DLGAP4: variants seen among roughly 807,000 people sequenced by gnomAD.
DLGAP4 encodes the protein DLG associated protein 4.
Under a neutral mutation model 86.9 loss-of-function variants are expected in DLGAP4, and 18 were observed. That is an observed-to-expected ratio of 0.21 (90% CI 0.14 to 0.31). DLGAP4 has a LOEUF of 0.31. Ranked by LOEUF, DLGAP4 falls within the 10% of genes least tolerant of loss-of-function variation. The pLI, the probability that DLGAP4 is intolerant of heterozygous loss-of-function variation, is 1.00. For missense variants in DLGAP4, 1,085 were observed against 1,362.6 expected (o/e 0.80, Z 3.21); for synonymous variants, 548 against 574.3 (o/e 0.95, Z 0.65).
At chr20:36,525,672 G>A in intron 11 of DLGAP4, 179 bp from the exon 12 acceptor site, 1 of 769,376 alleles carries the variant, frequency 1.3e-6, no homozygotes, top group Non-Finnish European at 2.1e-6. Context: ...CCACCACTAG[G>A]GCTGGTGCTG....
At chr20:36,429,116 G>A (rs890699356) in intron 2 of DLGAP4, among the ~76,000 whole-genome samples, 6 of 152,170 alleles carry the variant, frequency 3.9e-5, no homozygotes, top group African/African-American at 1.4e-4. Context: ...GTCTCACTCT[G>A]TTGCCCAGGC....
At chr20:36,435,967 C>T in intron 3 of DLGAP4, 142 bp from the exon 4 acceptor site, 5 of 1,290,546 alleles carry the variant, frequency 3.9e-6, no homozygotes, top group Non-Finnish European at 4.1e-6. Context: ...CTCTGCTGCC[C>T]CGAGGTTTCA....
intron 10 of DLGAP4, among the ~76,000 whole-genome samples, chr20:36,519,680 C>G (rs2037257047): frequency 6.6e-6 from 1 of 152,210 alleles, no homozygotes; most frequent in South Asian, 2.1e-4. Context: ...CTATTTTCCA[C>G]AGCAGCTGCA....
rs1569527331 is a variant in DLGAP4, at chr20:36,525,253, AAC to A, written c.2605-596_2605-595del. Among the ~76,000 whole-genome samples, 84 of 59,524 alleles carry A rather than the reference AAC, an allele frequency of 1.4e-3. 21 individuals carry two copies. Among genetic ancestry groups the A allele is most frequent in the Non-Finnish European group, 3.5e-3 (66 of 18,860 alleles). The allele number at this position is 59,524 out of a possible 152,430, so 39.1% of individuals were successfully genotyped here. ...AAAAAAAAAAAAAAAAAAAAAAAAA[AAC>A]AAAGAAATCCCACTGCTGGGATTGG... is the stretch of plus-strand genomic sequence containing the variant. On this transcript the variant is annotated intron_variant, in intron 11 of 12. Transcript: ENST00000339266.
At chr20:36,307,862 A>G (rs1555889628) in intron 1 of DLGAP4, among the ~76,000 whole-genome samples, 1 of 152,162 alleles carries the variant, frequency 6.6e-6, no homozygotes, top group Non-Finnish European at 1.5e-5. Flanking sequence ...AATCAGTTGT[A>G]CAGGACCATC....
At chr20:36,447,901 T>TA (rs1176711641) in intron 7 of DLGAP4, among the ~76,000 whole-genome samples, 1 of 52,326 alleles carries the variant, frequency 1.9e-5, no homozygotes, top group African/African-American at 7.2e-5. Context: ...ATCAGGGGGG[T>TA]GGGGGGGGGG....
At chr20:36,401,843 T>A (rs1424747729) in intron 2 of DLGAP4, among the ~76,000 whole-genome samples, 4 of 152,200 alleles carry the variant, frequency 2.6e-5, no homozygotes, top group African/African-American at 9.7e-5. Flanking sequence ...GGAGGTGACG[T>A]CTGTGCCAAG....
intron 1 of DLGAP4, among the ~76,000 whole-genome samples, chr20:36,346,396 C>T (rs2029938833): frequency 6.6e-6 from 1 of 152,222 alleles, no homozygotes; most frequent in Non-Finnish European, 1.5e-5. Flanking sequence ...AAGCAAGATG[C>T]TAGGCCCAGA....
intron 1 of DLGAP4, among the ~76,000 whole-genome samples, chr20:36,333,329 G>GT (rs2065289230): frequency 1.3e-5 from 2 of 151,992 alleles, no homozygotes; most frequent in Non-Finnish European, 2.9e-5. Flanking sequence ...GTTAATAGAG[G>GT]GTTTTTTTTT....
chr20:36,479,260 G>C (rs1364109275), intron 7 of DLGAP4, among the ~76,000 whole-genome samples: 1 of 152,046 alleles, frequency 6.6e-6, no homozygotes, highest in Non-Finnish European at 1.5e-5. Context: ...TCTCTACTTA[G>C]AGTCTTCAAA....
chr20:36,438,324 AGATCGTGCCACTGCACTC>A, intron 4 of DLGAP4, among the ~76,000 whole-genome samples: 1 of 151,630 alleles, frequency 6.6e-6, no homozygotes, highest in Non-Finnish European at 1.5e-5. Context: ...CAGGGAGCTG[AGATCGTGCCACTGCACTC>A]CAGCCTGGGT....
intron 10 of DLGAP4, among the ~76,000 whole-genome samples, chr20:36,521,970 G>A (rs551569771): frequency 2.0e-5 from 3 of 152,160 alleles, no homozygotes; most frequent in African/African-American, 7.2e-5. Context: ...TGTGAGAGAC[G>A]GGCCAGGACT....
At chr20:36,420,703 G>A (rs182572596) in intron 2 of DLGAP4, among the ~76,000 whole-genome samples, 3 of 152,204 alleles carry the variant, frequency 2.0e-5, no homozygotes, top group Admixed American at 2.0e-4. Context: ...GCTGGGTGTG[G>A]TAGCTCACAC....
At chr20:36,458,201 C>G (rs1203853018) in intron 7 of DLGAP4, among the ~76,000 whole-genome samples, 1 of 151,366 alleles carries the variant, frequency 6.6e-6, no homozygotes, top group Non-Finnish European at 1.5e-5. Flanking sequence ...GTGACATGAC[C>G]TGGTGTGTGT....
intron 1 of DLGAP4, among the ~76,000 whole-genome samples, chr20:36,362,493 A>T (rs1024639102): frequency 1.3e-5 from 2 of 152,140 alleles, no homozygotes; most frequent in Non-Finnish European, 2.9e-5. Flanking sequence ...CTGCTGTAGG[A>T]ATTTGGAGCT....
chr20:36,487,190 C>G (rs2035455655), intron 7 of DLGAP4, among the ~76,000 whole-genome samples: 1 of 152,162 alleles, frequency 6.6e-6, no homozygotes. Context: ...AGGGCCCCCT[C>G]TCTGGGAGAG....
intron 7 of DLGAP4, among the ~76,000 whole-genome samples, chr20:36,469,479 A>G (rs1161783914): frequency 6.6e-6 from 1 of 152,190 alleles, no homozygotes; most frequent in Non-Finnish European, 1.5e-5. Flanking sequence ...GAGGCTGGGC[A>G]TGGTGGCTCA....
At chr20:36,386,975 A>G (rs536568825) in intron 2 of DLGAP4, among the ~76,000 whole-genome samples, 12 of 152,290 alleles carry the variant, frequency 7.9e-5, no homozygotes, top group African/African-American at 2.9e-4. Flanking sequence ...ATTCCATTGT[A>G]TGCTTATACC....
intron 1 of DLGAP4, among the ~76,000 whole-genome samples, chr20:36,356,591 G>A (rs527707051): frequency 1.3e-5 from 2 of 151,942 alleles, no homozygotes; most frequent in East Asian, 3.9e-4. Context: ...GATTACAGGG[G>A]TGAGCCACCG....
Sources: allele counts gnomAD v4.1 joint callset (sites outside exome capture counted in the v4.1 genomes callset), GRCh38; gene constraint gnomAD v4.1.1; transcripts MANE v1.5; gene names NCBI Gene and HGNC (gene_info 2026-07-23, HGNC 2026-07-21).